ARMH1: variants seen among roughly 807,000 people sequenced by gnomAD.
ARMH1 encodes the protein armadillo-like helical domain containing protein 1.
ARMH1 carries 34 observed loss-of-function variants against 50.2 expected under a neutral mutation model. The observed-to-expected ratio is 0.68, with a 90% CI of 0.51 to 0.90. ARMH1 has a LOEUF of 0.90. Ranked by LOEUF, ARMH1 falls within the 40% of genes least tolerant of loss-of-function variation. ARMH1 has a pLI of 0.00. For missense variants in ARMH1, 538 were observed against 553.9 expected (o/e 0.97, Z 0.29); for synonymous variants, 221 against 224.2 (o/e 0.99, Z 0.13).
At chr1:44,690,521 T>A (rs1645626626) in intron 2 of ARMH1, among the ~76,000 whole-genome samples, 1 of 152,222 alleles carries the variant, frequency 6.6e-6, no homozygotes, top group Non-Finnish European at 1.5e-5. Context: ...CTCCTTATTC[T>A]TTCTCTCCTA....
Position 44,689,862 on chromosome 1 carries a change from C to T in ARMH1, c.165C>T (p.Ala55=). ...PELEQEFSQG[A]SLFLVRLTTS... The stretch of plus-strand genomic sequence containing the variant: ...TGGAGCAGGAGTTTTCCCAGGGAGC[C>T]AGTTTGTTCCTGGTACGCTTGACCA... Residue 55 remains alanine, a synonymous_variant, in exon 2 of 12, where the codon GCC becomes GCT. Transcript: ENST00000535358. The T allele has an allele frequency of 6.4e-7, 1 of 1,551,238 alleles. No individual in the cohort carries two copies. Among genetic ancestry groups the T allele is most frequent in the Non-Finnish European group, 8.7e-7 (1 of 1,146,964 alleles).
intron 6 of ARMH1, among the ~76,000 whole-genome samples, chr1:44,721,619 C>A (rs150753800): frequency 6.6e-6 from 1 of 152,024 alleles, no homozygotes; most frequent in Non-Finnish European, 1.5e-5. Context: ...ATTAGACAGG[C>A]TTATGAGGCT....
At chr1:44,695,944 CAAAA>C (rs11351390) in intron 2 of ARMH1, among the ~76,000 whole-genome samples, 21 of 121,554 alleles carry the variant, frequency 1.7e-4, no homozygotes, top group East Asian at 2.4e-4. Context: ...GACCCTATCT[CAAAA>C]AAAAAAAAAA....
Position 44,689,776 on chromosome 1 carries a change from G to A in ARMH1, c.79G>A (p.Ala27Thr), listed in dbSNP as rs774035731. Residue 27 changes from alanine to threonine, a missense_variant, in exon 2 of 12, where the codon GCA (alanine) becomes ACA (threonine). Coordinates refer to ENST00000535358, the MANE Select transcript of ARMH1 (RefSeq NM_001145636.2). ...LQEWDNAGKV[A>T]RSHILDKFIE... ...GGAGTGGGACAACGCTGGCAAAGTC[G>A]CAAGGAGTCACATCCTCGACAAGTT... is the stretch of plus-strand genomic sequence containing the variant. 4.8e-5 allele frequency: 74 copies of A among 1,551,836 alleles called. No homozygotes were observed. Among genetic ancestry groups the A allele is most frequent in the Non-Finnish European group, 5.4e-5 (62 of 1,147,066 alleles).
chr1:44,703,866 A>G (rs1434735033), intron 5 of ARMH1, among the ~76,000 whole-genome samples: 1 of 150,478 alleles, frequency 6.6e-6, no homozygotes, highest in East Asian at 2.0e-4. Context: ...AGCTGGGACT[A>G]CAGGCGCCTG....
At chr1:44,704,726 G>C (rs1573400056) in intron 6 of ARMH1, among the ~76,000 whole-genome samples, 1 of 151,924 alleles carries the variant, frequency 6.6e-6, no homozygotes, top group Non-Finnish European at 1.5e-5. Context: ...TGCCCAGGCT[G>C]GTCTTGAACT....
In ARMH1 at chr1:44,698,090, G is replaced by A; in HGVS notation, c.303G>A (p.Glu101=). Residue 101 remains glutamate (E), a synonymous_variant, in exon 4 of 12, where the codon GAG becomes GAA. Coordinates refer to ENST00000535358, the MANE Select transcript of ARMH1 (RefSeq NM_001145636.2). The stretch of plus-strand genomic sequence containing the variant: ...ATCGGTACCTTATAGAATTTCTTGA[G>A]GTTGGAGGTGTCCTAACCCTCTTGG... ...SSNRYLIEFL[E]VGGVLTLLEI... is the part of the protein sequence containing the mutation. 2 of 1,551,300 alleles carry A rather than the reference G, an allele frequency of 1.3e-6. No homozygotes were observed. The highest frequency in any genetic ancestry group is 1.7e-6 in the Non-Finnish European group (2 of 1,146,552).
At chr1:44,722,702 C>T (rs1180641332) in intron 6 of ARMH1, among the ~76,000 whole-genome samples, 1 of 151,202 alleles carries the variant, frequency 6.6e-6, no homozygotes, top group African/African-American at 2.4e-5. Flanking sequence ...GATTGCACTC[C>T]AGCCTGAGTG....
Position 44,725,144 on chromosome 1 carries a change from T to C in ARMH1, c.1137T>C (p.Ala379=). The C allele has an allele frequency of 2.6e-6, 4 of 1,551,898 alleles. No individual in the cohort carries two copies. The highest frequency in any genetic ancestry group is 1.4e-5 in the African/African-American group (1 of 73,168). ...CTTGCTCCTGTCCTCAGAGCAACGCTGAGGACTTGTACATGAAAATAGACA... is the reference window on the plus strand; with the variant it reads ...CTTGCTCCTGTCCTCAGAGCAACGCCGAGGACTTGTACATGAAAATAGACA... ...EELYQLFLSN[A]EDLYMKIDSI... is the part of the protein sequence containing the mutation. The change falls in exon 11 of 12, where the codon GCT becomes GCC. Residue 379 remains alanine (A), a synonymous_variant. Coordinates refer to ENST00000535358, the MANE Select transcript of ARMH1 (RefSeq NM_001145636.2).
chr1:44,721,729 A>C (rs192921243), intron 6 of ARMH1: 6 of 151,826 alleles, frequency 4.0e-5, no homozygotes, highest in African/African-American at 9.7e-5. Flanking sequence ...AGCTACCCCA[A>C]CCTCCCAAAG....
At chr1:44,714,196 G>T (rs1013044891) in intron 6 of ARMH1, among the ~76,000 whole-genome samples, 15 of 151,536 alleles carry the variant, frequency 9.9e-5, no homozygotes, top group African/African-American at 2.9e-4. Flanking sequence ...CGTGAACCTG[G>T]GAGGCGGAGC....
chr1:44,708,102 C>T lies in ARMH1; in HGVS notation c.724+3929C>T, dbSNP rs1046345731. On this transcript the variant is annotated intron_variant, in intron 6 of 11. Transcript: ENST00000535358. ...CACTGTTTCACATGGTCAGAGTAGA[C>T]GGGAAGTTAAGGGAGAGAAGAAATT... is the stretch of plus-strand genomic sequence containing the variant. Among the ~76,000 whole-genome samples, 8 of 152,150 alleles carry T rather than the reference C, an allele frequency of 5.3e-5. No homozygotes were observed. The East Asian group carries it at 5.8e-4, about 11-fold the overall frequency.
intron 1 of ARMH1, among the ~76,000 whole-genome samples, chr1:44,676,981 G>A (rs926976088): frequency 1.3e-5 from 2 of 152,196 alleles, no homozygotes; most frequent in African/African-American, 4.8e-5. Context: ...TCACTTAGAA[G>A]GGTGGAGGAA....
intron 1 of ARMH1, among the ~76,000 whole-genome samples, chr1:44,687,755 A>T (rs1645522015): frequency 6.6e-6 from 1 of 152,118 alleles, no homozygotes; most frequent in African/African-American, 2.4e-5. Context: ...CATACATAAG[A>T]TTTACAGCTG....
In ARMH1 at chr1:44,704,212, C is replaced by T. The variant is rs556009805; in HGVS notation, c.724+39C>T. 4.7e-5 allele frequency: 67 copies of T among 1,421,854 alleles called. No individual in the cohort carries two copies. The East Asian group carries it at 1.5e-3, about 31-fold the overall frequency. The allele number at this position is 1,421,854 out of a possible 1,614,324, so 88.1% of individuals were successfully genotyped here. ...AGATTGCAGAAGGGGGCACCGAGAG[C>T]CAGACATATCAGCTCTCAAAAGCTT... On this transcript the variant is annotated intron_variant, in intron 6 of 11. Transcript: ENST00000535358.
intron 5 of ARMH1, among the ~76,000 whole-genome samples, chr1:44,702,508 T>TC (rs1270894776): frequency 6.6e-6 from 1 of 151,686 alleles, no homozygotes; most frequent in Non-Finnish European, 1.5e-5. Flanking sequence ...GGTCAGGAGT[T>TC]CAAGATCAGC....
In ARMH1 at chr1:44,708,529, G is replaced by A. The variant is rs559947968; in HGVS notation, c.724+4356G>A. 6.6e-5 allele frequency among the ~76,000 whole-genome samples: 10 copies of A among 152,300 alleles called. No individual in the cohort carries two copies. The South Asian group carries it at 1.7e-3, about 25-fold the overall frequency. On this transcript the variant is annotated intron_variant, in intron 6 of 11. Coordinates refer to ENST00000535358, the MANE Select transcript of ARMH1 (RefSeq NM_001145636.2). ...ACTGAATGTCTTGGAAGAAGGGTCA[G>A]GGGTGCCCACTCCACTCCCATGTGG...
chr1:44,713,157 G>A (rs955739765), intron 6 of ARMH1, among the ~76,000 whole-genome samples: 2 of 145,888 alleles, frequency 1.4e-5, no homozygotes, highest in African/African-American at 5.1e-5. Flanking sequence ...GAAGTGCAGT[G>A]GCATGATCTT....
intron 6 of ARMH1, among the ~76,000 whole-genome samples, chr1:44,718,115 GA>G (rs1646925581): frequency 6.6e-6 from 1 of 152,232 alleles, no homozygotes; most frequent in African/African-American, 2.4e-5. Flanking sequence ...TACATGGGCA[GA>G]AAATGCTATT....
Sources: gnomAD v4.1 joint callset for allele counts (sites outside exome capture counted in the v4.1 genomes callset) on GRCh38, gnomAD v4.1.1 for gene constraint, MANE v1.5 for transcripts, NCBI Gene and HGNC (gene_info 2026-07-23, HGNC 2026-07-21) for gene names.